The following LARGE1 variants were observed in gnomAD, a reference collection of about 807,000 sequenced individuals.
LARGE1 encodes xylosyl- and glucuronyltransferase LARGE1.
Under a neutral mutation model 87.6 loss-of-function variants are expected in LARGE1, and 43 were observed. The ratio of observed to expected loss-of-function variants is 0.49; its 90% CI spans 0.38 to 0.63. The LOEUF is 0.63. Among genes scored for constraint, LARGE1 ranks in the 30% least tolerant of loss-of-function variants. LARGE1 has a pLI of 0.00. For synonymous variants in LARGE1, 434 were observed against 394.6 expected (o/e 1.10, Z -1.18); for missense variants, 802 against 1,000.2 (o/e 0.80, Z 2.67).
chr22:33,601,577 T>C (rs1181073256), intron 5 of LARGE1, among the ~76,000 whole-genome samples: 3 of 152,190 alleles, frequency 2.0e-5, no homozygotes, highest in African/African-American at 4.8e-5. Context: ...GTTACTAGTA[T>C]TATGAAAAAA....
chr22:33,444,511 G>A (rs1452874724), intron 6 of LARGE1, among the ~76,000 whole-genome samples: 1 of 152,042 alleles, frequency 6.6e-6, no homozygotes. Context: ...GCATGGCGAA[G>A]TGGTCAGGAA....
At chr22:33,326,403 A>G (rs984123978) in intron 10 of LARGE1, among the ~76,000 whole-genome samples, 8 of 152,110 alleles carry the variant, frequency 5.3e-5, no homozygotes, top group African/African-American at 1.9e-4. Context: ...GCCAGTCACT[A>G]ATTACAAACA....
chr22:33,256,771 T>C (rs1196182589), intron 11 of LARGE1, among the ~76,000 whole-genome samples: 1 of 152,210 alleles, frequency 6.6e-6, no homozygotes, highest in African/African-American at 2.4e-5. Flanking sequence ...TTTCTCTTCA[T>C]TTTGTTCATA....
chr22:33,137,808 T>C, the LARGE1 span, among the ~76,000 whole-genome samples: 1 of 152,120 alleles, frequency 6.6e-6, no homozygotes, highest in Non-Finnish European at 1.5e-5. Context: ...TGCAAAGAAG[T>C]CAAGAATTGA....
chr22:33,895,432 C>T (rs1293901266), intron 1 of LARGE1, among the ~76,000 whole-genome samples: 1 of 152,164 alleles, frequency 6.6e-6, no homozygotes, highest in African/African-American at 2.4e-5. Flanking sequence ...TTTCACAGTT[C>T]CTATAGCTCA....
chr22:33,553,335 G>C (rs1035679350), intron 6 of LARGE1, among the ~76,000 whole-genome samples: 1 of 148,328 alleles, frequency 6.7e-6, no homozygotes, highest in African/African-American at 2.5e-5. Context: ...GTGAGACCCT[G>C]TGTCTGCAAA....
chr22:33,617,876 C>A (rs1278734723), intron 4 of LARGE1, among the ~76,000 whole-genome samples: 1 of 152,174 alleles, frequency 6.6e-6, no homozygotes, highest in East Asian at 1.9e-4. Context: ...GGCTGAGATG[C>A]AATAAATATG....
intron 1 of LARGE1, among the ~76,000 whole-genome samples, chr22:33,898,976 T>C (rs1031214947): frequency 6.6e-6 from 1 of 152,202 alleles, no homozygotes; most frequent in Non-Finnish European, 1.5e-5. Flanking sequence ...CTATTTATGC[T>C]GCTCCCTATC....
At chr22:33,917,935 G>A (rs1006718132) in intron 1 of LARGE1, among the ~76,000 whole-genome samples, 7 of 152,038 alleles carry the variant, frequency 4.6e-5, no homozygotes, top group African/African-American at 1.7e-4. Flanking sequence ...AGTAACATGG[G>A]CCCTGGTGTT....
chr22:33,515,089 T>C (rs2071236851), intron 6 of LARGE1, among the ~76,000 whole-genome samples: 1 of 149,840 alleles, frequency 6.7e-6, no homozygotes, highest in Non-Finnish European at 1.5e-5. Flanking sequence ...GAGCCAAGAA[T>C]GAACCCCTCC....
chr22:33,456,388 A>C (rs1441655337), intron 6 of LARGE1, among the ~76,000 whole-genome samples: 1 of 152,156 alleles, frequency 6.6e-6, no homozygotes, highest in Non-Finnish European at 1.5e-5. Flanking sequence ...GGGTACTGTG[A>C]ATCTTTCTTG....
intron 1 of LARGE1, among the ~76,000 whole-genome samples, chr22:33,864,003 A>G (rs1007444933): frequency 6.6e-6 from 1 of 152,190 alleles, no homozygotes; most frequent in Non-Finnish European, 1.5e-5. Flanking sequence ...TGTGAGGCAT[A>G]TGGAGCTATG....
At chr22:33,342,467 T>C (rs1358252069) in intron 9 of LARGE1, among the ~76,000 whole-genome samples, 1 of 152,210 alleles carries the variant, frequency 6.6e-6, no homozygotes, top group African/African-American at 2.4e-5. Flanking sequence ...GACTTGCCTG[T>C]ATCTCACAGC....
chr22:33,374,195 C>T (rs1286239634), intron 9 of LARGE1, among the ~76,000 whole-genome samples: 1 of 152,074 alleles, frequency 6.6e-6, no homozygotes, highest in Non-Finnish European at 1.5e-5. Flanking sequence ...CATTCCTAAC[C>T]TTGGACTCAT....
intron 9 of LARGE1, among the ~76,000 whole-genome samples, chr22:33,373,702 C>T (rs908236063): frequency 2.2e-4 from 33 of 151,856 alleles, no homozygotes; most frequent in African/African-American, 6.8e-4. Flanking sequence ...ATCTTGGGTA[C>T]GGTGGCTTAT....
chr22:33,388,221 T>G (rs1601666659), intron 7 of LARGE1, among the ~76,000 whole-genome samples: 2 of 152,342 alleles, frequency 1.3e-5, no homozygotes, highest in South Asian at 4.1e-4. Context: ...CTGAAGGACA[T>G]TTTGGTTGTT....
intron 2 of LARGE1, among the ~76,000 whole-genome samples, chr22:33,665,950 G>A (rs1332309384): frequency 1.3e-5 from 2 of 151,406 alleles, no homozygotes; most frequent in East Asian, 3.9e-4. Flanking sequence ...TAAAGTTTAA[G>A]TAACTTGCAA....
chr22:33,630,191 C>G (rs1013283293), intron 3 of LARGE1, among the ~76,000 whole-genome samples: 2 of 151,874 alleles, frequency 1.3e-5, no homozygotes, highest in South Asian at 4.2e-4. Context: ...AAGAACAAAA[C>G]TCGGTCTCAA....
intron 11 of LARGE1, among the ~76,000 whole-genome samples, chr22:33,210,190 C>G (rs1465964624): frequency 2.6e-5 from 4 of 152,252 alleles, no homozygotes; most frequent in Non-Finnish European, 4.4e-5. Flanking sequence ...TCCTTCTCAA[C>G]CTTGGTCCTT....
Sources: gnomAD v4.1 joint callset for allele counts (sites outside exome capture counted in the v4.1 genomes callset) on GRCh38, gnomAD v4.1.1 for gene constraint, MANE v1.5 for transcripts, NCBI Gene and HGNC (gene_info 2026-07-23, HGNC 2026-07-21) for gene names.